PSTPIP1: variants seen among roughly 807,000 people sequenced by gnomAD.
PSTPIP1 encodes the protein proline-serine-threonine phosphatase interacting protein 1.
In PSTPIP1, 66 loss-of-function variants were observed where a neutral mutation model predicts 69.6. That is an observed-to-expected ratio of 0.95 (90% CI 0.78 to 1.16). PSTPIP1 has a LOEUF of 1.16. PSTPIP1 is among the 50% of genes most tolerant of loss of function. The pLI is 0.00. For synonymous variants in PSTPIP1, 266 were observed against 222.7 expected (o/e 1.19, Z -1.73); for missense variants, 603 against 557.4 (o/e 1.08, Z -0.82).
Position 76,995,426 on chromosome 15 carries a change from CTGCCTTCTGAGTGTTG to C in PSTPIP1, c.-147_-132del. 2 of 1,504,202 alleles carry C rather than the reference CTGCCTTCTGAGTGTTG, an allele frequency of 1.3e-6. No homozygotes were observed. Among genetic ancestry groups the C allele is most frequent in the Non-Finnish European group, 1.8e-6 (2 of 1,130,208 alleles). The allele number at this position is 1,504,202 out of a possible 1,614,324, so 93.2% of individuals were successfully genotyped here. On this transcript the variant is annotated 5_prime_UTR_variant, in exon 1 of 15. Coordinates refer to ENST00000558012, the MANE Select transcript of PSTPIP1 (RefSeq NM_003978.5). ...TCAGAAGCTCCTCTCTGGCTCGTGG[CTGCCTTCTGAGTGTTG>C]CAGACGGCGCCGGCCGGGAAGGGGG...
intron 8 of PSTPIP1, among the ~76,000 whole-genome samples, chr15:77,030,183 G>A (rs1249094507): frequency 6.6e-6 from 1 of 152,232 alleles, no homozygotes; most frequent in African/African-American, 2.4e-5. Context: ...CCTCTCAGCT[G>A]CCTTCTCTGA....
At chr15:77,029,475 G>A (rs2076362353) in intron 7 of PSTPIP1, 54 bp from the exon 8 acceptor site, 1 of 1,547,512 alleles carries the variant, frequency 6.5e-7, no homozygotes, top group African/African-American at 1.4e-5. Flanking sequence ...CTGCTGGGGT[G>A]GGCCCTGGCT....
At chr15:77,004,305 G>A (rs1000959928) in intron 1 of PSTPIP1, among the ~76,000 whole-genome samples, 1 of 152,248 alleles carries the variant, frequency 6.6e-6, no homozygotes, top group South Asian at 2.1e-4. Flanking sequence ...AGGCAGGAGA[G>A]CGACAGCTCC....
Position 77,027,924 on chromosome 15 carries a change from A to G in PSTPIP1, c.417+10A>G, listed in dbSNP as rs758258744. ...CAAGAAGGCCATGGAGGTGAGCGCC[A>G]GGGCCTGGGGCCGCGGCCTTCCCTC... On this transcript the variant is annotated intron_variant, in intron 6 of 14. Coordinates refer to ENST00000558012, the MANE Select transcript of PSTPIP1 (RefSeq NM_003978.5). The surrounding 1 kb of genome is among the most constrained non-coding windows in gnomAD (Gnocchi z 4.3). The G allele has an allele frequency of 7.7e-6, 12 of 1,554,418 alleles. No individual in the cohort carries two copies. In the South Asian group the frequency reaches 1.1e-4, roughly 14 times the overall value.
chr15:77,012,142 CAT>C (rs2075949419), intron 1 of PSTPIP1, among the ~76,000 whole-genome samples: 1 of 125,298 alleles, frequency 8.0e-6, no homozygotes. Flanking sequence ...TCCATCCATC[CAT>C]CCATCCATCC....
At chr15:77,010,355 C>T (rs2075909809) in intron 1 of PSTPIP1, among the ~76,000 whole-genome samples, 1 of 152,210 alleles carries the variant, frequency 6.6e-6, no homozygotes, top group Non-Finnish European at 1.5e-5. Flanking sequence ...CCACCAGGCA[C>T]CGCACACTCA....
intron 1 of PSTPIP1, among the ~76,000 whole-genome samples, chr15:77,003,254 G>A (rs1346503686): frequency 6.6e-6 from 1 of 152,144 alleles, no homozygotes; most frequent in Non-Finnish European, 1.5e-5. Flanking sequence ...AACTTTGGGT[G>A]GAAACCAAGA....
In PSTPIP1 at chr15:77,025,486, C is replaced by T; in HGVS notation, c.248-12C>T. The T allele has an allele frequency of 6.4e-7, 1 of 1,566,618 alleles. No individual in the cohort carries two copies. The highest frequency in any genetic ancestry group is 1.4e-5 in the African/African-American group (1 of 73,748). On this transcript the variant is annotated splice_polypyrimidine_tract_variant and intron_variant, in intron 4 of 14. Transcript: ENST00000558012. ...CTGACACTGGGGACCAGTATCCATG[C>T]TCTGCCCCCAGAAATGGAGAATGTG...
intron 1 of PSTPIP1, among the ~76,000 whole-genome samples, chr15:77,007,207 G>A (rs1419228672): frequency 1.3e-5 from 2 of 152,190 alleles, no homozygotes; most frequent in Non-Finnish European, 2.9e-5. Context: ...CTTCAAGGAG[G>A]GTCTGGAGGG....
chr15:77,012,231 A>G (rs2152673829), intron 1 of PSTPIP1, among the ~76,000 whole-genome samples: 1 of 137,942 alleles, frequency 7.2e-6, no homozygotes, highest in South Asian at 2.4e-4. Context: ...CTGTCCATCC[A>G]TCCATCCACC....
chr15:77,031,428 G>T, intron 10 of PSTPIP1, 150 bp downstream of exon 10: 1 of 749,898 alleles, frequency 1.3e-6, no homozygotes, highest in Non-Finnish European at 2.2e-6. Context: ...CTCAGCCTTT[G>T]CCCCCAGAAC....
chr15:77,013,012 C>T (rs187096653), intron 1 of PSTPIP1, among the ~76,000 whole-genome samples: 1 of 152,314 alleles, frequency 6.6e-6, no homozygotes, highest in African/African-American at 2.4e-5. Flanking sequence ...GAGCTCAGCC[C>T]TTCCTACCTC....
chr15:77,036,083 CGAGTGTG>C, intron 14 of PSTPIP1, 148 bp downstream of exon 14: 1 of 1,110,734 alleles, frequency 9.0e-7, no homozygotes, highest in Non-Finnish European at 1.2e-6. Context: ...CACGTGTGCC[CGAGTGTG>C]TCCACACTAG....
At position 77,037,461 on chromosome 15, in the gene PSTPIP1, A is replaced by C. The variant is rs964934388; in HGVS notation, c.*285A>C. ...CCCCAACTCAGCCGAGGCTTCAGCT[A>C]TAGTTGGAGAAGAGGCCTGGCCCCA... On this transcript the variant is annotated 3_prime_UTR_variant, in exon 15 of 15. Transcript: ENST00000558012. 77 of 325,604 alleles carry C rather than the reference A, an allele frequency of 2.4e-4. No homozygotes were observed. The highest frequency in any genetic ancestry group is 2.8e-4 in the Admixed American group (7 of 24,568). The allele number at this position is 325,604 out of a possible 1,614,324, so 20.2% of individuals were successfully genotyped here. A position where few individuals can be genotyped will look rare whatever the true frequency, so the allele number is the denominator to read the frequency against.
intron 3 of PSTPIP1, 21 bp from the exon 4 acceptor site, chr15:77,025,263 C>G: frequency 1.2e-6 from 2 of 1,604,070 alleles, no homozygotes; most frequent in Non-Finnish European, 1.7e-6. Flanking sequence ...TCCTCCTGAC[C>G]TGGACCCATC....
chr15:77,035,483 C>T (rs1218521237), intron 12 of PSTPIP1, 25 bp from the exon 13 acceptor site: 5 of 1,578,724 alleles, frequency 3.2e-6, no homozygotes, highest in Non-Finnish European at 4.3e-6. Flanking sequence ...CGGGGACACT[C>T]ACCCTCTTTC....
chr15:77,030,662 C>T, intron 9 of PSTPIP1, 81 bp downstream of exon 9: 4 of 1,361,624 alleles, frequency 2.9e-6, no homozygotes, highest in Non-Finnish European at 4.0e-6. Context: ...CTTAAAGGGG[C>T]CCAAGTGAGG....
chr15:76,994,911 C>A, upstream of PSTPIP1: 1 of 1,278,560 alleles, frequency 7.8e-7, no homozygotes, highest in Non-Finnish European at 1.0e-6. Flanking sequence ...GCGGGTGACA[C>A]ACCTGGGGTT....
At chr15:77,009,761 C>T (rs1229192584) in intron 1 of PSTPIP1, among the ~76,000 whole-genome samples, 1 of 152,204 alleles carries the variant, frequency 6.6e-6, no homozygotes, top group African/African-American at 2.4e-5. Context: ...GTTTGTGACT[C>T]ATGCAGACTG....
Sources: gnomAD v4.1 joint callset for allele counts (sites outside exome capture counted in the v4.1 genomes callset) on GRCh38, gnomAD v4.1.1 for gene constraint, Gnocchi (gnomAD v3.1) non-coding constraint, MANE v1.5 for transcripts, NCBI Gene and HGNC (gene_info 2026-07-23, HGNC 2026-07-21) for gene names.